EIF3A: variants seen among roughly 807,000 people sequenced by gnomAD.
EIF3A encodes eukaryotic translation initiation factor 3 subunit A.
Under a neutral mutation model 186.6 loss-of-function variants are expected in EIF3A, and 21 were observed. The ratio of observed to expected loss-of-function variants is 0.11; its 90% confidence interval spans 0.08 to 0.16. The LOEUF is 0.16. Among genes scored for constraint, EIF3A ranks in the 10% least tolerant of loss-of-function variants. The pLI, the probability that EIF3A is intolerant of heterozygous loss-of-function variation, is 1.00. For synonymous variants in EIF3A, 563 were observed against 584.3 expected (o/e 0.96, Z 0.52); for missense variants, 1,306 against 1,796.3 (o/e 0.73, Z 4.93).
Position 119,038,350 on chromosome 10 carries a change from C to T in EIF3A, c.3616G>A (p.Glu1206Lys), listed in dbSNP as rs1411162993. Residue 1206 changes from glutamate to lysine, a missense_variant, in exon 20 of 22, where the codon GAA becomes AAA. Coordinates refer to ENST00000369144, the MANE Select transcript of EIF3A (RefSeq NM_003750.4). ...RPSEEREWDREKERDRDNQDR... is the reference protein window; with the variant it reads ...RPSEEREWDRKKERDRDNQDR... ...TGATTATCTCTGTCCCTTTCTTTTT[C>T]TCTGTCCCATTCACGTTCTTCTGAT... 6.2e-7 allele frequency: 1 copy of T among 1,614,060 alleles called. No homozygotes were observed. The highest frequency in any genetic ancestry group is 2.2e-5 in the East Asian group (1 of 44,902).
intron 3 of EIF3A, 33 bp from the exon 4 acceptor site, chr10:119,073,086 G>A: frequency 1.3e-6 from 2 of 1,578,336 alleles, no homozygotes; most frequent in Non-Finnish European, 1.7e-6. Context: ...AACAATTTTA[G>A]ACAGTTTCCT....
At chr10:119,067,548 C>A (rs1013312512) in intron 6 of EIF3A, among the ~76,000 whole-genome samples, 5 of 152,126 alleles carry the variant, frequency 3.3e-5, no homozygotes, top group Admixed American at 2.0e-4. Context: ...TGAGCTACAA[C>A]ACACTACTAC....
intron 11 of EIF3A, among the ~76,000 whole-genome samples, chr10:119,058,653 C>A (rs1161661824): frequency 6.6e-6 from 1 of 152,184 alleles, no homozygotes; most frequent in African/African-American, 2.4e-5. Context: ...GAGGCCAAGG[C>A]GGGTGGATCA....
At chr10:119,065,591 A>C (rs773886286) in intron 6 of EIF3A, 21 bp from the exon 7 acceptor site, 1 of 1,557,212 alleles carries the variant, frequency 6.4e-7, no homozygotes, top group Non-Finnish European at 8.8e-7. Context: ...CAAAGTTTTA[A>C]ATCTGTTAGG....
intron 17 of EIF3A, among the ~76,000 whole-genome samples, chr10:119,049,053 G>A (rs1848320059): frequency 1.3e-5 from 2 of 152,136 alleles, no homozygotes; most frequent in South Asian, 2.1e-4. Flanking sequence ...TTCATGACAC[G>A]CATGCGCAAA....
chr10:119,052,414 T>G (rs964270107), intron 14 of EIF3A, among the ~76,000 whole-genome samples: 16 of 70,702 alleles, frequency 2.3e-4, no homozygotes, highest in Admixed American at 2.2e-3. Context: ...AGACAGGGTC[T>G]GTCTCTGTCA....
rs1848102415 is a variant in EIF3A at position 119,034,607 on chromosome 10, TC to T, written c.*1431del. ...GTAACATCAAACAAAAATAGCTGCA[TC>T]TGGTTAAGTTAAAAAGCATCAATAC... is the stretch of plus-strand genomic sequence containing the variant. On this transcript the variant is annotated 3_prime_UTR_variant, in exon 22 of 22. Transcript: ENST00000369144. 1 of 152,206 alleles carries T rather than the reference TC, an allele frequency of 6.6e-6. No homozygotes were observed. The allele number at this position is 152,206 out of a possible 1,614,324, so 9.4% of individuals were successfully genotyped here. A position where few individuals can be genotyped will look rare whatever the true frequency, so the allele number is the denominator to read the frequency against.
At chr10:119,068,334 A>T (rs138355244) in intron 6 of EIF3A, among the ~76,000 whole-genome samples, 1 of 152,308 alleles carries the variant, frequency 6.6e-6, no homozygotes, top group African/African-American at 2.4e-5. Context: ...CATGACCCAA[A>T]TATTCTACAC....
At chr10:119,074,972 C>CT (rs1306797769) in intron 1 of EIF3A, among the ~76,000 whole-genome samples, 2 of 93,950 alleles carry the variant, frequency 2.1e-5, no homozygotes, top group Admixed American at 1.4e-4. Flanking sequence ...AGCAAAATAA[C>CT]TTATTTTTTT....
intron 8 of EIF3A, 173 bp downstream of exon 8, chr10:119,061,051 C>A: frequency 3.5e-6 from 2 of 576,058 alleles, no homozygotes; most frequent in Middle Eastern, 3.7e-4. Context: ...CAAAGGTTTG[C>A]TGAGCACATC....
In EIF3A at chr10:119,039,627, G is replaced by A. The variant is rs147449340; in HGVS notation, c.3527-1188C>T. On this transcript the variant is annotated intron_variant, in intron 19 of 21. Coordinates refer to ENST00000369144, the MANE Select transcript of EIF3A (RefSeq NM_003750.4). ...AGAGGTTGCGGTGATCTGAGATCAC[G>A]CCACTGCACTCCAGCCTGGGAGACA... Among the ~76,000 whole-genome samples the A allele has an allele frequency of 3.3e-3, 500 of 152,180 alleles. 4 individuals carry two copies. The highest frequency in any genetic ancestry group is 0.011 in the African/African-American group (472 of 41,508).
chr10:119,074,148 T>G (rs1844119643), intron 1 of EIF3A, among the ~76,000 whole-genome samples: 2 of 5,728 alleles, frequency 3.5e-4, no homozygotes, highest in South Asian at 0.5. Context: ...CAAGTAAAAC[T>G]GAATCACTGT....
intron 4 of EIF3A, 95 bp downstream of exon 4, chr10:119,072,795 A>C: frequency 7.1e-7 from 1 of 1,411,776 alleles, no homozygotes; most frequent in Non-Finnish European, 9.6e-7. Context: ...CATTTCAATA[A>C]GGATAAAAAC....
intron 1 of EIF3A, among the ~76,000 whole-genome samples, chr10:119,075,474 TG>T (rs1844150774): frequency 6.6e-6 from 1 of 151,602 alleles, no homozygotes; most frequent in Admixed American, 6.6e-5. Flanking sequence ...CTTAATAGAC[TG>T]GGGGAGAAAG....
rs1425376936 is a variant in EIF3A at position 119,059,629 on chromosome 10, T to C, written c.1416A>G (p.Val472=). ...VDAFQLERAI[V]DAARHCDLQV... is the part of the protein sequence containing the mutation. ...GCAAGTCGCAATGCCTGGCTGCATCTACTATGGCCCGTTCCAGTTGGAAAG... is the reference window on the plus strand; with the variant it reads ...GCAAGTCGCAATGCCTGGCTGCATCCACTATGGCCCGTTCCAGTTGGAAAG... Residue 472 remains valine (V), a synonymous_variant, in exon 10 of 22, where the codon GTA becomes GTG. Transcript: ENST00000369144. 6.2e-7 allele frequency: 1 copy of C among 1,614,134 alleles called. No individual in the cohort carries two copies. Among genetic ancestry groups the C allele is most frequent in the Non-Finnish European group, 8.5e-7 (1 of 1,179,970 alleles).
chr10:119,059,898 C>T, intron 9 of EIF3A, 180 bp from the exon 10 acceptor site: 1 of 639,622 alleles, frequency 1.6e-6, no homozygotes, highest in Non-Finnish European at 2.8e-6. Flanking sequence ...CTTTGAGAAC[C>T]ATTATCATAC....
At chr10:119,067,560 C>G (rs1263420503) in intron 6 of EIF3A, among the ~76,000 whole-genome samples, 1 of 152,166 alleles carries the variant, frequency 6.6e-6, no homozygotes, top group African/African-American at 2.4e-5. Flanking sequence ...CACTACTACA[C>G]TCCATCTGGA....
In EIF3A at chr10:119,035,091, G is replaced by A. The variant is rs371698144; in HGVS notation, c.*948C>T. The stretch of plus-strand genomic sequence containing the variant: ...CACTGAAGAAAAAACACAGCAGCAA[G>A]TTCTGTGTTGGCTTCAATGAGACCA... On this transcript the variant is annotated 3_prime_UTR_variant, in exon 22 of 22. Coordinates refer to ENST00000369144, the MANE Select transcript of EIF3A (RefSeq NM_003750.4). The A allele has an allele frequency of 5.9e-5, 9 of 152,650 alleles. No individual in the cohort carries two copies. In the East Asian group the frequency reaches 9.6e-4, roughly 16 times the overall value. The allele number at this position is 152,650 out of a possible 1,614,324, so 9.5% of individuals were successfully genotyped here.
intron 2 of EIF3A, 70 bp downstream of exon 2, chr10:119,073,676 TC>T (rs1408790819): frequency 6.4e-7 from 1 of 1,560,144 alleles, no homozygotes; most frequent in East Asian, 2.3e-5. Flanking sequence ...TATATTCACT[TC>T]GAAAGGTAAG....
Sources: gnomAD v4.1 joint callset for allele counts (sites outside exome capture counted in the v4.1 genomes callset) on GRCh38, gnomAD v4.1.1 for gene constraint, MANE v1.5 for transcripts, NCBI Gene and HGNC (gene_info 2026-07-23, HGNC 2026-07-21) for gene names.